Variants in ZNF98 observed in about 807,000 individuals in gnomAD.
ZNF98 encodes the protein zinc finger protein 739.
A neutral mutation model predicts 12.8 loss-of-function variants in ZNF98; 8 were observed. The ratio of observed to expected loss-of-function variants is 0.63; its 90% confidence interval spans 0.37 to 1.13. ZNF98 has a LOEUF of 1.13. ZNF98 is among the 50% of genes most tolerant of loss of function. The probability of loss-of-function intolerance (pLI) is 0.01; values close to 1 mark genes in which losing one functional copy is unlikely to be tolerated. For missense variants in ZNF98, 379 were observed against 666.1 expected, an observed-to-expected ratio of 0.57 and a Z score of 4.74; for synonymous variants, 112 against 223.5, an observed-to-expected ratio of 0.50 and a Z score of 4.45.
chr19:22,396,983 G>A (rs894524083), intron 3 of ZNF98, among the ~76,000 whole-genome samples: 2 of 152,060 alleles, frequency 1.3e-5, no homozygotes, highest in Non-Finnish European at 2.9e-5. Flanking sequence ...GCCGGGCATG[G>A]TGGTGGGCGC....
intron 1 of ZNF98, among the ~76,000 whole-genome samples, chr19:22,407,728 A>G (rs1969537478): frequency 1.3e-5 from 2 of 150,952 alleles, no homozygotes; most frequent in South Asian, 2.1e-4. Flanking sequence ...ATAAAAATAA[A>G]AGCAAAAACA....
intron 1 of ZNF98, among the ~76,000 whole-genome samples, chr19:22,416,442 C>A (rs562087706): frequency 6.6e-6 from 1 of 152,170 alleles, no homozygotes; most frequent in East Asian, 1.9e-4. Flanking sequence ...GCACTCCAGC[C>A]TGCGTGACAG....
chr19:22,401,589 T>G (rs527540788), intron 3 of ZNF98, among the ~76,000 whole-genome samples: 9 of 151,598 alleles, frequency 5.9e-5, no homozygotes, highest in African/African-American at 1.9e-4. Flanking sequence ...GTTCAAGCAA[T>G]TCTTCCGCCT....
intron 1 of ZNF98, 53 bp downstream of exon 1, chr19:22,422,142 G>A (rs953703256): frequency 6.2e-7 from 1 of 1,610,014 alleles, no homozygotes; most frequent in Admixed American, 1.7e-5. Flanking sequence ...TCTTCCCACC[G>A]GTTCCAACCA....
chr19:22,401,823 T>C (rs1407560665), intron 3 of ZNF98, among the ~76,000 whole-genome samples: 1 of 151,708 alleles, frequency 6.6e-6, no homozygotes, highest in African/African-American at 2.4e-5. Flanking sequence ...TCTACAGTGA[T>C]CTCTAGATTC....
intron 1 of ZNF98, 139 bp from the exon 2 acceptor site, chr19:22,403,651 C>G (rs1334392023): frequency 2.2e-6 from 2 of 899,646 alleles, no homozygotes; most frequent in African/African-American, 1.7e-5. Context: ...AAATAACTTT[C>G]AGCACAGAAG....
chr19:22,412,074 T>G (rs1221025793), intron 1 of ZNF98, among the ~76,000 whole-genome samples: 1 of 152,182 alleles, frequency 6.6e-6, no homozygotes, highest in African/African-American at 2.4e-5. Context: ...CTAAACAGTC[T>G]TAATAGATTT....
At chr19:22,403,276 A>AC in intron 2 of ZNF98, 110 bp downstream of exon 2, 3 of 1,343,010 alleles carry the variant, frequency 2.2e-6, no homozygotes, top group Non-Finnish European at 3.0e-6. Context: ...AAAAACAAAA[A>AC]AAAAAAACAG....
At chr19:22,413,428 C>G (rs1744831767) in intron 1 of ZNF98, among the ~76,000 whole-genome samples, 1 of 152,052 alleles carries the variant, frequency 6.6e-6, no homozygotes, top group Admixed American at 6.6e-5. Context: ...TAGTAGCATC[C>G]CTGTAAATCA....
Position 22,391,524 on chromosome 19 carries a change from C to A in ZNF98, c.1711G>T (p.Glu571Ter), listed in dbSNP as rs755336954. The change falls in exon 4 of 4, where the codon GAG becomes TAG. Residue 571 changes from glutamate (E) to a stop codon, truncating the protein, a stop_gained. Coordinates refer to ENST00000357774, the MANE Select transcript of ZNF98 (RefSeq NM_001098626.2). LOFTEE classifies it high-confidence loss of function. ...ISKYKRNCAGEK is the reference protein window; with the variant it reads ...ISKYKRNCAG ...TCACATTCATATTTCTATTATTTCT[C>A]ACCAGCACAATTTCTTTTATATTTG... 196 of 1,569,448 alleles carry A rather than the reference C, an allele frequency of 1.2e-4. No individual in the cohort carries two copies. In the Middle Eastern group the frequency reaches 1.7e-3, roughly 13 times the overall value.
In ZNF98 at chr19:22,391,379, C is replaced by T. The variant is rs1398608879; in HGVS notation, c.*137G>A. The T allele has an allele frequency of 2.1e-6, 3 of 1,454,644 alleles. No homozygotes were observed. In the African/African-American group the frequency reaches 4.3e-5, roughly 21 times the overall value. 90.1% of individuals were successfully genotyped at this position (1,454,644 alleles called of 1,614,324 possible). ...TGTTCTCATCAAGTATAAAGGCTTT[C>T]CTGTGCAATAAGGTTTGAGCATTGT... On this transcript the variant is annotated 3_prime_UTR_variant, in exon 4 of 4. Transcript: ENST00000357774.
intron 3 of ZNF98, among the ~76,000 whole-genome samples, chr19:22,396,142 G>A (rs1361370507): frequency 3.3e-5 from 5 of 152,048 alleles, no homozygotes; most frequent in South Asian, 2.1e-4. Context: ...TCATAATGGT[G>A]CAGAAAACAT....
Position 22,393,101 on chromosome 19 carries a change from C to T in ZNF98, c.254-120G>A, listed in dbSNP as rs181284885. 2,446 of 1,016,518 alleles carry T rather than the reference C, an allele frequency of 2.4e-3. 7 individuals carry two copies. The highest frequency in any genetic ancestry group is 2.9e-3 in the Non-Finnish European group (2,121 of 742,590). The allele number at this position is 1,016,518 out of a possible 1,614,324, so 63.0% of individuals were successfully genotyped here. ...CAAGATGTTACAGCAAAATATTACA[C>T]GCTCTAACATTTTCACAGACATATA... On this transcript the variant is annotated intron_variant, in intron 3 of 3. Coordinates refer to ENST00000357774, the MANE Select transcript of ZNF98 (RefSeq NM_001098626.2).
intron 1 of ZNF98, among the ~76,000 whole-genome samples, chr19:22,407,809 G>A (rs1331695392): frequency 1.6e-4 from 25 of 151,812 alleles, no homozygotes; most frequent in South Asian, 4.1e-4. Context: ...GGTAGCTCAC[G>A]CCTGTAATCC....
chr19:22,410,475 T>C (rs559504124), intron 1 of ZNF98, among the ~76,000 whole-genome samples: 20 of 152,274 alleles, frequency 1.3e-4, no homozygotes, highest in Non-Finnish European at 2.2e-4. Flanking sequence ...CTGGAAGTCA[T>C]CATCCTCAGC....
chr19:22,410,298 C>T lies in ZNF98; in HGVS notation c.31-6786G>A, dbSNP rs553827406. ...TCATTCTACTATAAAGACACATGCA[C>T]ACGTATGTTTACTGTAGCACTAATT... On this transcript the variant is annotated intron_variant, in intron 1 of 3. Transcript: ENST00000357774. Among the ~76,000 whole-genome samples, 6 of 152,290 alleles carry T rather than the reference C, an allele frequency of 3.9e-5. No homozygotes were observed. In the South Asian group the frequency reaches 1.2e-3, roughly 32 times the overall value.
rs999503846 is a variant in ZNF98, at chr19:22,422,127, C to T, written c.30+68G>A. Reference sequence around the variant, plus strand: ...CAGCGGGGAGGCCTGAGTCCCGCCACAGCCTCTTCCCACCGGTTCCAACCA... The same window carrying T: ...CAGCGGGGAGGCCTGAGTCCCGCCATAGCCTCTTCCCACCGGTTCCAACCA... On this transcript the variant is annotated intron_variant, in intron 1 of 3. Coordinates refer to ENST00000357774, the MANE Select transcript of ZNF98 (RefSeq NM_001098626.2). 3.8e-6 allele frequency: 6 copies of T among 1,598,888 alleles called. No homozygotes were observed. The African/African-American group carries it at 5.4e-5, about 14-fold the overall frequency.
Position 22,391,646 on chromosome 19 carries a change from G to C in ZNF98, c.1589C>G (p.Ser530Cys), listed in dbSNP as rs1251531510. ...CATCTTATGTCTGTTAAGAATAGAG[G>C]AGTTGTTAAAGGCTTTGCCGCATTC... ...CEECGKAFNN[S>C]SILNRHKMIH... The change falls in exon 4 of 4, where the codon TCC becomes TGC. Residue 530 changes from serine to cysteine, a missense_variant. Physicochemically the swap from Ser to Cys is moderately radical, Grantham distance 112. Coordinates refer to ENST00000357774, the MANE Select transcript of ZNF98 (RefSeq NM_001098626.2). The C allele has an allele frequency of 6.2e-7, 1 of 1,613,704 alleles. No homozygotes were observed. The highest frequency in any genetic ancestry group is 1.3e-5 in the African/African-American group (1 of 74,908).
intron 1 of ZNF98, among the ~76,000 whole-genome samples, chr19:22,415,362 C>T (rs1969628285): frequency 6.6e-6 from 1 of 152,034 alleles, no homozygotes; most frequent in Non-Finnish European, 1.5e-5. Context: ...GGGCATATAC[C>T]CAGTAAAATA....
Sources: allele counts gnomAD v4.1 joint callset (sites outside exome capture counted in the v4.1 genomes callset), GRCh38; gene constraint gnomAD v4.1.1; transcripts MANE v1.5; gene names NCBI Gene and HGNC (gene_info 2026-07-23, HGNC 2026-07-21).